The following NLGN1 variants were observed in gnomAD, a reference collection of about 807,000 sequenced individuals.
NLGN1 encodes the protein neuroligin 1, also known as neuroligin-1.
NLGN1 carries 12 observed loss-of-function variants against 65.5 expected under a neutral mutation model. The observed-to-expected ratio is 0.18, with a 90% confidence interval of 0.12 to 0.30. The LOEUF is 0.30. Among genes scored for constraint, NLGN1 ranks in the 10% least tolerant of loss-of-function variants. The pLI, the probability that NLGN1 is intolerant of heterozygous loss-of-function variation, is 1.00. For missense variants in NLGN1, 750 were observed against 1,007.1 expected, an observed-to-expected ratio of 0.74 and a Z score of 3.46; for synonymous variants, 350 against 359.5, an observed-to-expected ratio of 0.97 and a Z score of 0.30.
intron 4 of NLGN1, among the ~76,000 whole-genome samples, chr3:174,152,086 G>A (rs1488637070): frequency 1.3e-5 from 2 of 152,052 alleles, no homozygotes; most frequent in East Asian, 3.9e-4. Context: ...TCCAGAACAA[G>A]TCTGATATTT....
intron 4 of NLGN1, among the ~76,000 whole-genome samples, chr3:174,157,014 G>GA (rs72508167): frequency 6.7e-6 from 1 of 149,116 alleles, no homozygotes; most frequent in Non-Finnish European, 1.5e-5. Flanking sequence ...TATAAATGTA[G>GA]AAAAAAATAT....
At chr3:174,188,253 G>T (rs1379566896) in intron 4 of NLGN1, among the ~76,000 whole-genome samples, 2 of 151,852 alleles carry the variant, frequency 1.3e-5, no homozygotes, top group African/African-American at 2.4e-5. Context: ...TTTGGTTTTT[G>T]TAATTTGTAC....
intron 4 of NLGN1, among the ~76,000 whole-genome samples, chr3:174,245,350 T>C (rs1743600885): frequency 6.6e-6 from 1 of 152,178 alleles, no homozygotes; most frequent in Admixed American, 6.5e-5. Context: ...AGGCTTTCTT[T>C]CTAGATTGTG....
intron 4 of NLGN1, among the ~76,000 whole-genome samples, chr3:173,892,500 T>C (rs375141080): frequency 1.3e-5 from 2 of 150,590 alleles, no homozygotes; most frequent in South Asian, 4.2e-4. Context: ...GAAAACTGAG[T>C]CTCAGAAAGT....
intron 4 of NLGN1, among the ~76,000 whole-genome samples, chr3:174,007,063 A>T (rs1247125433): frequency 6.6e-6 from 1 of 152,028 alleles, no homozygotes; most frequent in South Asian, 2.1e-4. Flanking sequence ...CCAAGACTTC[A>T]TCTCAAAAAT....
chr3:173,911,264 G>A (rs1035389488), intron 4 of NLGN1, among the ~76,000 whole-genome samples: 1 of 152,146 alleles, frequency 6.6e-6, no homozygotes, highest in African/African-American at 2.4e-5. Context: ...GCTAAATTTA[G>A]TAGTTTATCT....
chr3:173,624,626 G>C (rs1306358462), intron 3 of NLGN1, among the ~76,000 whole-genome samples: 1 of 152,006 alleles, frequency 6.6e-6, no homozygotes, highest in Admixed American at 6.6e-5. Context: ...AGTTTTATCT[G>C]TCAGGGAATA....
intron 3 of NLGN1, among the ~76,000 whole-genome samples, chr3:173,674,764 A>G (rs563390186): frequency 6.6e-6 from 1 of 152,152 alleles, no homozygotes; most frequent in East Asian, 1.9e-4. Flanking sequence ...CACAAATTCT[A>G]AGTTAAATAA....
At chr3:173,587,927 C>T in intron 2 of NLGN1, among the ~76,000 whole-genome samples, 1 of 152,104 alleles carries the variant, frequency 6.6e-6, no homozygotes, top group East Asian at 1.9e-4. Context: ...TGATTAACTA[C>T]ATTAAATGTT....
At chr3:173,481,073 G>C (rs919944669) in intron 2 of NLGN1, among the ~76,000 whole-genome samples, 15 of 151,948 alleles carry the variant, frequency 9.9e-5, no homozygotes, top group African/African-American at 1.7e-4. Flanking sequence ...TGATTTTTCA[G>C]ATAAGGAAAT....
intron 3 of NLGN1, among the ~76,000 whole-genome samples, chr3:173,687,027 CAGG>C (rs1007144477): frequency 6.6e-6 from 1 of 151,858 alleles, no homozygotes; most frequent in Non-Finnish European, 1.5e-5. Flanking sequence ...AACAAGTATC[CAGG>C]AGGAGTGGTT....
At chr3:173,692,277 A>G (rs1013721953) in intron 3 of NLGN1, among the ~76,000 whole-genome samples, 8 of 152,102 alleles carry the variant, frequency 5.3e-5, no homozygotes, top group African/African-American at 9.6e-5. Flanking sequence ...TTATGTAGTC[A>G]CCGTCTCCTC....
intron 4 of NLGN1, among the ~76,000 whole-genome samples, chr3:173,854,522 C>A (rs1227001837): frequency 6.6e-6 from 1 of 152,038 alleles, no homozygotes; most frequent in Non-Finnish European, 1.5e-5. Context: ...TGACTAACTT[C>A]TCTTCTTATC....
chr3:174,176,407 A>G (rs1266903578), intron 4 of NLGN1, among the ~76,000 whole-genome samples: 1 of 151,894 alleles, frequency 6.6e-6, no homozygotes, highest in Non-Finnish European at 1.5e-5. Context: ...AAAAATCATC[A>G]GTGGTATTTT....
At chr3:173,730,537 T>C (rs1772646405) in intron 3 of NLGN1, among the ~76,000 whole-genome samples, 1 of 151,872 alleles carries the variant, frequency 6.6e-6, no homozygotes, top group African/African-American at 2.4e-5. Context: ...TCAGTGGTAT[T>C]TTACACTCAT....
chr3:174,001,996 A>G (rs957289720), intron 4 of NLGN1, among the ~76,000 whole-genome samples: 2 of 151,322 alleles, frequency 1.3e-5, no homozygotes, highest in African/African-American at 4.8e-5. Flanking sequence ...CCATAGAAAT[A>G]TGGGAGTCAT....
intron 4 of NLGN1, among the ~76,000 whole-genome samples, chr3:174,066,094 G>C (rs1040312892): frequency 1.3e-5 from 2 of 152,158 alleles, no homozygotes; most frequent in Non-Finnish European, 2.9e-5. Flanking sequence ...TAAATAGCTA[G>C]ATAACTTAAT....
chr3:174,113,880 A>G (rs894386561), intron 4 of NLGN1, among the ~76,000 whole-genome samples: 2 of 152,178 alleles, frequency 1.3e-5, no homozygotes, highest in Non-Finnish European at 2.9e-5. Context: ...CAATTGGAAG[A>G]GTCTATATCA....
intron 4 of NLGN1, among the ~76,000 whole-genome samples, chr3:174,127,774 G>A (rs1239465134): frequency 1.3e-5 from 2 of 152,058 alleles, no homozygotes; most frequent in Non-Finnish European, 2.9e-5. Context: ...AATAAGTTGG[G>A]TCCATTTAAG....
Sources: allele counts gnomAD v4.1 joint callset (sites outside exome capture counted in the v4.1 genomes callset), GRCh38; gene constraint gnomAD v4.1.1; transcripts MANE v1.5; gene names NCBI Gene and HGNC (gene_info 2026-07-23, HGNC 2026-07-21).